Variants in N4BP2L1 observed in about 807,000 individuals in gnomAD.
The protein encoded by N4BP2L1 is NEDD4-binding protein 2-like 1.
Under a neutral mutation model 21.2 loss-of-function variants are expected in N4BP2L1, and 12 were observed. The ratio of observed to expected loss-of-function variants is 0.57; its 90% CI spans 0.36 to 0.92. The LOEUF (loss-of-function observed/expected upper bound fraction) is 0.92, where lower values mean the gene tolerates loss of function less well. N4BP2L1 is among the 40% of genes least tolerant of loss of function. N4BP2L1 has a pLI of 0.01. For missense variants in N4BP2L1, 259 were observed against 310.6 expected, an observed-to-expected ratio of 0.83 and a Z score of 1.25; for synonymous variants, 104 against 112.8, an observed-to-expected ratio of 0.92 and a Z score of 0.49.
rs906866959 is a variant in N4BP2L1 at position 32,402,549 on chromosome 13, A to C, written c.*393T>G. The C allele has an allele frequency of 2.0e-5, 20 of 985,082 alleles. No individual in the cohort carries two copies. Among genetic ancestry groups the C allele is most frequent in the Non-Finnish European group, 2.3e-5 (19 of 829,794 alleles). 61.0% of individuals were successfully genotyped at this position (985,082 alleles called of 1,614,324 possible). ...CCCACCACTTCTCTCCACCTTCCCAACTTTACCGATGGAGATGAATTTCCT... is the reference window on the plus strand; with the variant it reads ...CCCACCACTTCTCTCCACCTTCCCACCTTTACCGATGGAGATGAATTTCCT... On this transcript the variant is annotated 3_prime_UTR_variant, in exon 5 of 5. Coordinates refer to ENST00000380130, the MANE Select transcript of N4BP2L1 (RefSeq NM_052818.3).
At position 32,407,636 on chromosome 13, in the gene N4BP2L1, A is replaced by T. The variant is rs776040123; in HGVS notation, c.307+9T>A. The T allele has an allele frequency of 2.5e-6, 4 of 1,612,710 alleles. No homozygotes were observed. The highest frequency in any genetic ancestry group is 3.4e-6 in the Non-Finnish European group (4 of 1,179,992). ...GGGTTTCCCAGGAGTTTGGGAAGGA[A>T]TTTGTCACCTCTTTTTTGGTTCCAT... is the stretch of plus-strand genomic sequence containing the variant. On this transcript the variant is annotated intron_variant, in intron 2 of 4. Coordinates refer to ENST00000380130, the MANE Select transcript of N4BP2L1 (RefSeq NM_052818.3).
upstream of N4BP2L1, chr13:32,428,233 G>T (rs2074912620): frequency 1.4e-6 from 1 of 706,660 alleles, no homozygotes; most frequent in Non-Finnish European, 2.0e-6. Context: ...CGCCGGAACC[G>T]TGCTGCGTGG....
At chr13:32,417,893 G>T (rs1387134186) in intron 1 of N4BP2L1, among the ~76,000 whole-genome samples, 1 of 152,192 alleles carries the variant, frequency 6.6e-6, no homozygotes, top group South Asian at 2.1e-4. Context: ...CTTTGAACTT[G>T]AAAGAAACAA....
At chr13:32,403,792 C>G (rs1344909532) in intron 4 of N4BP2L1, 1 of 527,162 alleles carries the variant, frequency 1.9e-6, no homozygotes, top group South Asian at 1.5e-5. Flanking sequence ...AGCCTTACTC[C>G]TAAGAAGTAA....
chr13:32,402,108 A>C lies in N4BP2L1; in HGVS notation c.*834T>G, dbSNP rs1246569915. On this transcript the variant is annotated 3_prime_UTR_variant, in exon 5 of 5. Coordinates refer to ENST00000380130, the MANE Select transcript of N4BP2L1 (RefSeq NM_052818.3). The stretch of plus-strand genomic sequence containing the variant: ...AACATTTGAGCTGCCGACTAATTAC[A>C]CATGTTAATAGGCATAATTTTAGAA... 2 of 984,958 alleles carry C rather than the reference A, an allele frequency of 2.0e-6. No individual in the cohort carries two copies. Among genetic ancestry groups the C allele is most frequent in the African/African-American group, 3.5e-5 (2 of 57,236 alleles). The allele number at this position is 984,958 out of a possible 1,614,324, so 61.0% of individuals were successfully genotyped here. A position where few individuals can be genotyped will look rare whatever the true frequency, so the allele number is the denominator to read the frequency against.
chr13:32,413,539 A>T (rs1451806396), intron 1 of N4BP2L1, among the ~76,000 whole-genome samples: 1 of 152,176 alleles, frequency 6.6e-6, no homozygotes, highest in Non-Finnish European at 1.5e-5. Context: ...GCTAAGTTCG[A>T]TCACTTGGCT....
Position 32,402,301 on chromosome 13 carries a change from T to G in N4BP2L1, c.*641A>C. ...CACTGATTTCCCTCAGTAGCTCCTG[T>G]AGCTATTAAGGATTTGACAGCATTT... On this transcript the variant is annotated 3_prime_UTR_variant, in exon 5 of 5. Transcript: ENST00000380130. 2 of 570,502 alleles carry G rather than the reference T, an allele frequency of 3.5e-6. No homozygotes were observed. The highest frequency in any genetic ancestry group is 4.4e-6 in the Non-Finnish European group (2 of 451,152). 35.3% of individuals were successfully genotyped at this position (570,502 alleles called of 1,614,324 possible).
rs370637767 is a variant in N4BP2L1 at position 32,426,978 on chromosome 13, T to G, written c.179+926A>C. 7.9e-5 allele frequency among the ~76,000 whole-genome samples: 12 copies of G among 152,116 alleles called. No individual in the cohort carries two copies. The East Asian group carries it at 2.3e-3, about 29-fold the overall frequency. ...GGCAAGCCAGGCAGGAAGGCCAGCG[T>G]CAAGGAGAGAAGCGGCTTGGTTTAC... On this transcript the variant is annotated intron_variant, in intron 1 of 4. Transcript: ENST00000380130.
At chr13:32,408,611 G>A (rs1160753012) in intron 1 of N4BP2L1, among the ~76,000 whole-genome samples, 3 of 152,202 alleles carry the variant, frequency 2.0e-5, no homozygotes, top group Non-Finnish European at 4.4e-5. Context: ...GTCATGCTCC[G>A]CAAGAACTGG....
chr13:32,403,242 C>T, intron 4 of N4BP2L1, 42 bp from the exon 5 acceptor site: 1 of 1,540,940 alleles, frequency 6.5e-7, no homozygotes, highest in Non-Finnish European at 8.7e-7. Context: ...CAGGATACCA[C>T]AATGAGTTAC....
At chr13:32,409,623 C>A (rs879527352) in intron 1 of N4BP2L1, among the ~76,000 whole-genome samples, 14 of 152,188 alleles carry the variant, frequency 9.2e-5, no homozygotes, top group Non-Finnish European at 2.1e-4. Context: ...CCTGGCACAG[C>A]CAGCGCAGCG....
chr13:32,423,454 T>G (rs2074593640), intron 1 of N4BP2L1, among the ~76,000 whole-genome samples: 1 of 152,194 alleles, frequency 6.6e-6, no homozygotes, highest in African/African-American at 2.4e-5. Context: ...AAAAAAATTC[T>G]GGGGAACTGA....
intron 1 of N4BP2L1, among the ~76,000 whole-genome samples, chr13:32,412,342 G>T (rs1566310017): frequency 1.3e-5 from 2 of 152,084 alleles, no homozygotes; most frequent in Middle Eastern, 3.4e-3. Context: ...AAAGTAAATT[G>T]CAGGCCGGGC....
chr13:32,417,121 CTTT>C (rs1028528805), intron 1 of N4BP2L1, among the ~76,000 whole-genome samples: 1 of 152,106 alleles, frequency 6.6e-6, no homozygotes, highest in Non-Finnish European at 1.5e-5. Context: ...AGCTGGCAAA[CTTT>C]TTTATAGAGT....
chr13:32,407,174 AAG>A (rs1431390798), intron 3 of N4BP2L1, 74 bp downstream of exon 3: 1 of 1,402,854 alleles, frequency 7.1e-7, no homozygotes, highest in Non-Finnish European at 1.0e-6. Flanking sequence ...ACATCAGAAA[AAG>A]AGGAAAGAAC....
At chr13:32,421,220 A>T (rs558510718) in intron 1 of N4BP2L1, among the ~76,000 whole-genome samples, 2 of 152,360 alleles carry the variant, frequency 1.3e-5, no homozygotes, top group South Asian at 4.1e-4. Flanking sequence ...TTTACATCAT[A>T]TCTCATGAAG....
rs1161096431 is a variant in N4BP2L1 at position 32,406,077 on chromosome 13, A to AT, written c.396+1172dup. ...GCCACCACGCCCGGCTAATTTTTGT[A>AT]TTTTTTTTTTTTTAGTAGAGACGGG... On this transcript the variant is annotated intron_variant, in intron 3 of 4. Transcript: ENST00000380130. 6.7e-3 allele frequency among the ~76,000 whole-genome samples: 916 copies of AT among 136,728 alleles called. 7 individuals carry two copies. The highest frequency in any genetic ancestry group is 0.021 in the African/African-American group (780 of 37,284). The allele number at this position is 136,728 out of a possible 152,430, so 89.7% of individuals were successfully genotyped here.
chr13:32,427,413 G>A (rs1457970080), intron 1 of N4BP2L1, among the ~76,000 whole-genome samples: 1 of 152,234 alleles, frequency 6.6e-6, no homozygotes, highest in Non-Finnish European at 1.5e-5. Flanking sequence ...GCACTGTAGC[G>A]GCCGCCTGCG....
At chr13:32,416,458 C>G (rs2074143780) in intron 1 of N4BP2L1, 1 of 152,198 alleles carries the variant, frequency 6.6e-6, no homozygotes, top group Non-Finnish European at 1.5e-5. Flanking sequence ...TTGCAATTTT[C>G]CATATCATGA....
Sources: gnomAD v4.1 joint callset for allele counts (sites outside exome capture counted in the v4.1 genomes callset) on GRCh38, gnomAD v4.1.1 for gene constraint, MANE v1.5 for transcripts, NCBI Gene and HGNC (gene_info 2026-07-23, HGNC 2026-07-21) for gene names.